RBM27: variants seen among roughly 807,000 people sequenced by gnomAD.
RBM27 encodes the protein RNA-binding protein 27.
In RBM27, 22 loss-of-function variants were observed where a neutral mutation model predicts 135.3. The ratio of observed to expected loss-of-function variants is 0.16; its 90% CI spans 0.12 to 0.23. RBM27 has a LOEUF of 0.23. RBM27 is among the 10% of genes least tolerant of loss of function. The probability of loss-of-function intolerance (pLI) is 1.00; values close to 1 mark genes in which losing one functional copy is unlikely to be tolerated. For synonymous variants in RBM27, 481 were observed against 442.4 expected (o/e 1.09, Z -1.10); for missense variants, 1,009 against 1,281.0 (o/e 0.79, Z 3.24).
At chr5:146,215,120 G>A (rs779294013) in intron 1 of RBM27, among the ~76,000 whole-genome samples, 10 of 152,262 alleles carry the variant, frequency 6.6e-5, no homozygotes, top group Non-Finnish European at 1.3e-4. Context: ...CGTGATCTCG[G>A]CTTGCTGCAA....
intron 10 of RBM27, among the ~76,000 whole-genome samples, chr5:146,255,498 T>C (rs1758064331): frequency 6.6e-6 from 1 of 152,186 alleles, no homozygotes; most frequent in Non-Finnish European, 1.5e-5. Flanking sequence ...CTAATTATAT[T>C]GAGAATCTAA....
intron 19 of RBM27, among the ~76,000 whole-genome samples, chr5:146,279,315 GGCGTGCACCTGGAGTCCCA>G (rs1318222488): frequency 6.6e-6 from 1 of 151,622 alleles, no homozygotes; most frequent in Non-Finnish European, 1.5e-5. Flanking sequence ...CGGGCATGGT[GGCGTGCACCTGGAGTCCCA>G]GCTACTCAGG....
At chr5:146,280,348 C>T (rs934393873) in intron 19 of RBM27, among the ~76,000 whole-genome samples, 2 of 152,164 alleles carry the variant, frequency 1.3e-5, no homozygotes, top group African/African-American at 4.8e-5. Context: ...TGCCACCACG[C>T]CCGACCTATT....
At chr5:146,253,644 C>T (rs930825710) in intron 9 of RBM27, among the ~76,000 whole-genome samples, 3 of 152,044 alleles carry the variant, frequency 2.0e-5, no homozygotes, top group African/African-American at 7.2e-5. Flanking sequence ...TCAGAATCAC[C>T]TGTGCTTTAA....
In RBM27 at chr5:146,229,800, A is replaced by T; in HGVS notation, c.479A>T (p.Tyr160Phe). The change falls in exon 5 of 21, where the codon TAT becomes TTT. Residue 160 changes from tyrosine (Y) to phenylalanine (F), a missense_variant. This residue lies in a region of RBM27 where 268 missense variants were observed against 326.6 expected (regional missense o/e 0.82). Coordinates refer to ENST00000265271, the MANE Select transcript of RBM27 (RefSeq NM_018989.2). The part of the protein sequence containing the change: ...YERNELYREK[Y>F]DWRRGRSKSR... ...CGGAATGAATTGTACCGTGAGAAGTATGACTGGAGAAGAGGCAGGAGTAAG... is the reference window on the plus strand; with the variant it reads ...CGGAATGAATTGTACCGTGAGAAGTTTGACTGGAGAAGAGGCAGGAGTAAG... The T allele has an allele frequency of 6.2e-7, 1 of 1,613,960 alleles. No homozygotes were observed. The highest frequency in any genetic ancestry group is 2.2e-5 in the East Asian group (1 of 44,880).
chr5:146,219,281 C>T (rs1404035374), intron 2 of RBM27, among the ~76,000 whole-genome samples, 178 bp downstream of exon 2: 1 of 151,914 alleles, frequency 6.6e-6, no homozygotes, highest in African/African-American at 2.4e-5. Context: ...TGGTTTTTTC[C>T]CTTTCCTTCT....
Position 146,261,779 on chromosome 5 carries a change from T to C in RBM27, c.2163T>C (p.Pro721=), listed in dbSNP as rs190042284. The part of the protein sequence containing the change: ...QQQVLVAQSA[P]STVHGGIQKM... Reference sequence around the variant, plus strand: ...AGGTGCTAGTGGCCCAGTCTGCTCCTTCAACAGTGCACGGAGGTATCCAGA... The same window carrying C: ...AGGTGCTAGTGGCCCAGTCTGCTCCCTCAACAGTGCACGGAGGTATCCAGA... The change falls in exon 13 of 21, where the codon CCT becomes CCC. Residue 721 remains proline, a synonymous_variant. Transcript: ENST00000265271. The C allele has an allele frequency of 2.7e-4, 443 of 1,614,206 alleles. 4 individuals are homozygous for C. In the East Asian group the frequency reaches 7.5e-3, roughly 27 times the overall value.
At chr5:146,260,676 T>C in intron 11 of RBM27, 69 bp from the exon 12 acceptor site, 2 of 1,347,238 alleles carry the variant, frequency 1.5e-6, no homozygotes. Context: ...CCTAAATTCT[T>C]TGTGGTTATA....
chr5:146,212,486 C>T (rs1756008995), intron 1 of RBM27, among the ~76,000 whole-genome samples: 1 of 151,672 alleles, frequency 6.6e-6, no homozygotes, highest in Non-Finnish European at 1.5e-5. Flanking sequence ...GTAGCTGGGA[C>T]TATAGGTGCA....
chr5:146,276,303 A>T (rs1174022395), intron 19 of RBM27, among the ~76,000 whole-genome samples: 1 of 152,164 alleles, frequency 6.6e-6, no homozygotes, highest in East Asian at 1.9e-4. Flanking sequence ...CATACGACAG[A>T]TGGTCAGTTC....
chr5:146,219,961 G>T (rs1171343691), intron 2 of RBM27, among the ~76,000 whole-genome samples: 1 of 151,742 alleles, frequency 6.6e-6, no homozygotes, highest in Non-Finnish European at 1.5e-5. Flanking sequence ...TGAACTTCTT[G>T]CCTCAAGCAA....
intron 1 of RBM27, among the ~76,000 whole-genome samples, chr5:146,204,654 G>T (rs1755549722): frequency 6.6e-6 from 1 of 152,158 alleles, no homozygotes; most frequent in Non-Finnish European, 1.5e-5. Flanking sequence ...TTAGATACAG[G>T]TGGTGTTGGA....
At chr5:146,262,500 A>G (rs969602871) in intron 13 of RBM27, among the ~76,000 whole-genome samples, 3 of 152,254 alleles carry the variant, frequency 2.0e-5, no homozygotes, top group Non-Finnish European at 4.4e-5. Flanking sequence ...GAAGGAAAAA[A>G]CAAAACAACA....
Position 146,258,498 on chromosome 5 carries a change from T to C in RBM27, c.1644T>C (p.Asn548=). The C allele has an allele frequency of 6.2e-7, 1 of 1,604,416 alleles. No homozygotes were observed. The highest frequency in any genetic ancestry group is 8.5e-7 in the Non-Finnish European group (1 of 1,175,258). The stretch of plus-strand genomic sequence containing the variant: ...AACCACCAGTTCCTGTTTCGATTAA[T>C]AGCAACATAACCAGAGTAGTTCTTG... The part of the protein sequence containing the change: ...QTEPPVPVSI[N]SNITRVVLEP... The change falls in exon 11 of 21, where the codon AAT becomes AAC. Residue 548 remains asparagine (N), a synonymous_variant. Transcript: ENST00000265271.
At chr5:146,267,576 T>A in intron 14 of RBM27, 73 bp from the exon 15 acceptor site, 1 of 1,028,306 alleles carries the variant, frequency 9.7e-7, no homozygotes, top group South Asian at 1.6e-5. Context: ...GCATCTTTTC[T>A]AAAAAAGTAT....
chr5:146,254,656 G>A (rs559619412), intron 9 of RBM27, among the ~76,000 whole-genome samples: 5 of 152,200 alleles, frequency 3.3e-5, no homozygotes, highest in Non-Finnish European at 5.9e-5. Flanking sequence ...TTTATATTAT[G>A]TATTATAATT....
chr5:146,215,629 A>G (rs1756157314), intron 1 of RBM27, among the ~76,000 whole-genome samples: 1 of 152,158 alleles, frequency 6.6e-6, no homozygotes, highest in South Asian at 2.1e-4. Flanking sequence ...TCTCTCCTCC[A>G]TATGAATGTA....
At chr5:146,249,394 T>C (rs1757781224) in intron 8 of RBM27, among the ~76,000 whole-genome samples, 1 of 152,032 alleles carries the variant, frequency 6.6e-6, no homozygotes, top group Non-Finnish European at 1.5e-5. Flanking sequence ...ATTGAGACTA[T>C]GTTAAATTGG....
rs1367647323 is a variant in RBM27 at position 146,206,383 on chromosome 5, C to CT, written c.59+2567dup. Among the ~76,000 whole-genome samples the CT allele has an allele frequency of 4.3e-3, 358 of 82,494 alleles. 1 individual carries two copies. Among genetic ancestry groups the CT allele is most frequent in the African/African-American group, 0.015 (328 of 21,782 alleles). 54.1% of individuals were successfully genotyped at this position (82,494 alleles called of 152,430 possible). A position where few individuals can be genotyped will look rare whatever the true frequency, so the allele number is the denominator to read the frequency against. On this transcript the variant is annotated intron_variant, in intron 1 of 20. Transcript: ENST00000265271. ...TGCTTAGGCTTTTTTTTTTTTCCTT[C>CT]TTTTTTTTAAAGCTACTTAGACTCA... is the stretch of plus-strand genomic sequence containing the variant.
Sources: gnomAD v4.1 joint callset for allele counts (sites outside exome capture counted in the v4.1 genomes callset) on GRCh38, gnomAD v4.1.1 for gene constraint, gnomAD v4.1.1 regional missense constraint, MANE v1.5 for transcripts, NCBI Gene and HGNC (gene_info 2026-07-23, HGNC 2026-07-21) for gene names.